The following DENND1A variants were observed in gnomAD, a reference collection of about 807,000 sequenced individuals.
DENND1A encodes the protein DENN domain-containing protein 1A.
In DENND1A, 51 loss-of-function variants were observed where a neutral mutation model predicts 113.7. The observed-to-expected ratio is 0.45, with a 90% CI of 0.36 to 0.57. The LOEUF (loss-of-function observed/expected upper bound fraction) is 0.57. Among genes scored for constraint, DENND1A ranks in the 20% least tolerant of loss-of-function variants. DENND1A has a pLI of 0.00. For missense variants in DENND1A, 1,258 were observed against 1,395.9 expected (o/e 0.90, Z 1.57); for synonymous variants, 565 against 570.8 (o/e 0.99, Z 0.14).
intron 22 of DENND1A, among the ~76,000 whole-genome samples, chr9:123,384,430 C>T (rs1307590140): frequency 6.6e-6 from 1 of 152,236 alleles, no homozygotes; most frequent in East Asian, 1.9e-4. Context: ...AACCTTGGTT[C>T]CACCTCTGGT....
intron 21 of DENND1A, among the ~76,000 whole-genome samples, chr9:123,389,609 C>T (rs756983774): frequency 1.3e-5 from 2 of 152,252 alleles, no homozygotes; most frequent in Non-Finnish European, 2.9e-5. Context: ...CACAAACCCA[C>T]ACTTGTCACT....
chr9:123,807,534 C>A lies in DENND1A; in HGVS notation c.89-14904G>T, dbSNP rs577985215. The stretch of plus-strand genomic sequence containing the variant: ...CCCCAGTAAGTAAAATAAGCCACTC[C>A]AATGACCAGAACCCATGTCTCCTTA... On this transcript the variant is annotated intron_variant, in intron 2 of 23. Coordinates refer to ENST00000394215, the MANE Select transcript of DENND1A (RefSeq NM_001352964.2). Among the ~76,000 whole-genome samples, 11 of 152,340 alleles carry A rather than the reference C, an allele frequency of 7.2e-5. No homozygotes were observed. In the East Asian group the frequency reaches 2.1e-3, roughly 29 times the overall value.
chr9:123,841,725 G>A (rs1220399795), intron 2 of DENND1A, among the ~76,000 whole-genome samples: 1 of 152,176 alleles, frequency 6.6e-6, no homozygotes, highest in African/African-American at 2.4e-5. Context: ...GGGGGAAGGT[G>A]AGAAAGAGGT....
At chr9:123,452,374 T>C (rs1279530200) in intron 16 of DENND1A, 27 bp from the exon 17 acceptor site, 2 of 1,601,388 alleles carry the variant, frequency 1.2e-6, no homozygotes, top group African/African-American at 2.7e-5. Context: ...AATTAGCAAT[T>C]TGGGCTGAAG....
At chr9:123,391,763 A>G (rs1048135703) in intron 21 of DENND1A, among the ~76,000 whole-genome samples, 140 of 138,950 alleles carry the variant, frequency 1.0e-3, no homozygotes, top group African/African-American at 2.8e-3. Context: ...CAGAATATGA[A>G]AAAAAAAAAA....
At chr9:123,690,325 T>C (rs144258239) in intron 5 of DENND1A, among the ~76,000 whole-genome samples, 6 of 152,306 alleles carry the variant, frequency 3.9e-5, no homozygotes, top group Non-Finnish European at 7.4e-5. Flanking sequence ...TTCTACAGCT[T>C]ATGTATTGAG....
At chr9:123,425,518 G>C (rs1382749607) in intron 19 of DENND1A, among the ~76,000 whole-genome samples, 1 of 152,220 alleles carries the variant, frequency 6.6e-6, no homozygotes, top group Non-Finnish European at 1.5e-5. Flanking sequence ...CTGCTGAACC[G>C]ACTGACTACT....
chr9:123,537,513 C>T (rs1448779378), intron 13 of DENND1A, among the ~76,000 whole-genome samples: 1 of 150,794 alleles, frequency 6.6e-6, no homozygotes, highest in Non-Finnish European at 1.5e-5. Context: ...ATAATCAGAA[C>T]CAAAGTTAAT....
intron 13 of DENND1A, among the ~76,000 whole-genome samples, chr9:123,486,327 C>T (rs940529107): frequency 2.6e-5 from 4 of 152,262 alleles, no homozygotes; most frequent in African/African-American, 9.6e-5. Flanking sequence ...GACTCGCCCC[C>T]GGAACACTGT....
chr9:123,515,749 G>A (rs1478459109), intron 13 of DENND1A, among the ~76,000 whole-genome samples: 1 of 152,050 alleles, frequency 6.6e-6, no homozygotes, highest in East Asian at 1.9e-4. Flanking sequence ...CAAAAAAAGT[G>A]AGGAGTGGCA....
chr9:123,748,007 G>A (rs2069666697), intron 5 of DENND1A, among the ~76,000 whole-genome samples: 1 of 152,012 alleles, frequency 6.6e-6, no homozygotes, highest in South Asian at 2.1e-4. Context: ...AAAATACCAA[G>A]TAGTTAGCTG....
Position 123,379,925 on chromosome 9 carries a change from A to C in DENND1A, c.*1507T>G, listed in dbSNP as rs530373026. 6.6e-6 allele frequency: 1 copy of C among 152,424 alleles called. No individual in the cohort carries two copies. Among genetic ancestry groups the C allele is most frequent in the South Asian group, 2.1e-4 (1 of 4,826 alleles). The allele number at this position is 152,424 out of a possible 1,614,324, so 9.4% of individuals were successfully genotyped here. A position where few individuals can be genotyped will look rare whatever the true frequency, so the allele number is the denominator to read the frequency against. ...ACCTAAGTGCCCAGGAGGTGCCCCC[A>C]TGGCCCAGGAGTGACACGGCTCCCC... On this transcript the variant is annotated 3_prime_UTR_variant, in exon 24 of 24. Transcript: ENST00000394215.
chr9:123,624,128 G>A (rs191822105), intron 10 of DENND1A, among the ~76,000 whole-genome samples: 1 of 152,306 alleles, frequency 6.6e-6, no homozygotes, highest in Admixed American at 6.5e-5. Flanking sequence ...ATTTCTACAG[G>A]AGATAATAGT....
intron 10 of DENND1A, among the ~76,000 whole-genome samples, chr9:123,622,081 G>C (rs1269516232): frequency 2.6e-5 from 4 of 152,092 alleles, no homozygotes; most frequent in Non-Finnish European, 5.9e-5. Flanking sequence ...GAAATATGAG[G>C]CATTTTACAA....
chr9:123,892,815 C>T (rs1850121897), intron 1 of DENND1A, among the ~76,000 whole-genome samples: 1 of 152,142 alleles, frequency 6.6e-6, no homozygotes, highest in Non-Finnish European at 1.5e-5. Flanking sequence ...AACCCTGTCT[C>T]TACTAAAAAT....
At chr9:123,683,915 C>T (rs929846095) in intron 5 of DENND1A, among the ~76,000 whole-genome samples, 5 of 152,124 alleles carry the variant, frequency 3.3e-5, no homozygotes, top group Non-Finnish European at 4.4e-5. Context: ...CTAGTCGGGA[C>T]GTGGGGATCC....
chr9:123,850,749 A>G (rs549779), intron 2 of DENND1A, among the ~76,000 whole-genome samples: 89,468 of 152,056 alleles, frequency 0.59, 29,650 homozygotes, highest in East Asian at 0.73. Flanking sequence ...TGATGATTAA[A>G]AGAGTTAATA....
intron 13 of DENND1A, among the ~76,000 whole-genome samples, chr9:123,550,451 G>A (rs117098890): frequency 0.032 from 4,889 of 152,294 alleles, 143 homozygotes; most frequent in South Asian, 0.059. Context: ...AAGAGGACGC[G>A]TCTTCAAACA....
intron 19 of DENND1A, among the ~76,000 whole-genome samples, chr9:123,431,569 T>C (rs2046136356): frequency 6.6e-6 from 1 of 152,214 alleles, no homozygotes; most frequent in Non-Finnish European, 1.5e-5. Context: ...CTTTGAATCC[T>C]GTTGCTTCTG....
Sources: allele counts gnomAD v4.1 joint callset (sites outside exome capture counted in the v4.1 genomes callset), GRCh38; gene constraint gnomAD v4.1.1; transcripts MANE v1.5; gene names NCBI Gene and HGNC (gene_info 2026-07-23, HGNC 2026-07-21).